Variants in PIK3C2G observed in about 807,000 individuals in gnomAD.
PIK3C2G encodes phosphatidylinositol-4-phosphate 3-kinase catalytic subunit type 2 gamma, also known as phosphatidylinositol 3-kinase C2 domain-containing subunit gamma.
In PIK3C2G, 168 loss-of-function variants were observed where a neutral mutation model predicts 181.1. The ratio of observed to expected loss-of-function variants is 0.93; its 90% CI spans 0.82 to 1.05. PIK3C2G has a LOEUF of 1.05. PIK3C2G is among the 50% of genes least tolerant of loss of function. The pLI is 0.00. For synonymous variants in PIK3C2G, 573 were observed against 592.2 expected, an observed-to-expected ratio of 0.97 and a Z score of 0.47; for missense variants, 1,869 against 1,732.8, an observed-to-expected ratio of 1.08 and a Z score of -1.40.
chr12:18,468,516 T>C (rs1351583920), intron 18 of PIK3C2G, among the ~76,000 whole-genome samples: 2 of 152,096 alleles, frequency 1.3e-5, no homozygotes, highest in African/African-American at 4.8e-5. Flanking sequence ...TATTCTTGAA[T>C]ATCCTTATAT....
intron 3 of PIK3C2G, 62 bp downstream of exon 3, chr12:18,286,991 G>T (rs1949473131): frequency 2.5e-6 from 2 of 803,706 alleles, no homozygotes; most frequent in Non-Finnish European, 4.0e-6. Flanking sequence ...TGTGTATTTT[G>T]ACATCACTGA....
intron 16 of PIK3C2G, among the ~76,000 whole-genome samples, chr12:18,413,448 T>C (rs760110476): frequency 2.6e-5 from 4 of 152,186 alleles, no homozygotes; most frequent in Non-Finnish European, 5.9e-5. Flanking sequence ...ATTTTTTTCA[T>C]AATAAATGAG....
chr12:18,381,074 A>G (rs1266303292), intron 13 of PIK3C2G, among the ~76,000 whole-genome samples: 2 of 152,164 alleles, frequency 1.3e-5, no homozygotes, highest in East Asian at 1.9e-4. Flanking sequence ...TTTAATTCAC[A>G]TAAGGATCTG....
At chr12:18,576,901 G>T (rs1273164901) in intron 29 of PIK3C2G, among the ~76,000 whole-genome samples, 1 of 152,192 alleles carries the variant, frequency 6.6e-6, no homozygotes, top group Admixed American at 6.5e-5. Context: ...AAAGTGCTAA[G>T]GGAATGGTGG....
intron 16 of PIK3C2G, among the ~76,000 whole-genome samples, chr12:18,405,955 A>G (rs56338752): frequency 0.11 from 16,425 of 152,128 alleles, 1,195 homozygotes; most frequent in Admixed American, 0.25. Flanking sequence ...ATCTCCACGC[A>G]GTGCAATAGA....
At chr12:18,615,373 GTGTA>G (rs778953397) in intron 31 of PIK3C2G, among the ~76,000 whole-genome samples, 17,854 of 90,706 alleles carry the variant, frequency 0.2, 1,246 homozygotes, top group East Asian at 0.35. Flanking sequence ...GTGTGTGTAT[GTGTA>G]TATATATATA....
At chr12:18,572,111 G>A (rs1220220670) in intron 29 of PIK3C2G, among the ~76,000 whole-genome samples, 2 of 141,104 alleles carry the variant, frequency 1.4e-5, no homozygotes, top group African/African-American at 2.9e-5. Context: ...GGTCCTTAGA[G>A]CCCTATGCCT....
the PIK3C2G span, among the ~76,000 whole-genome samples, chr12:18,710,151 T>C: frequency 6.7e-6 from 1 of 149,452 alleles, no homozygotes; most frequent in Non-Finnish European, 1.5e-5. Flanking sequence ...ATAGAAAGCA[T>C]TGCATTTTGT....
chr12:18,351,709 G>C (rs1363957885), intron 11 of PIK3C2G, among the ~76,000 whole-genome samples: 1 of 152,168 alleles, frequency 6.6e-6, no homozygotes, highest in Non-Finnish European at 1.5e-5. Flanking sequence ...TTTGTACATA[G>C]CATATGCACG....
chr12:18,626,116 G>T (rs1949085894), intron 31 of PIK3C2G, among the ~76,000 whole-genome samples: 1 of 150,440 alleles, frequency 6.6e-6, no homozygotes, highest in South Asian at 2.1e-4. Flanking sequence ...TTCCTCTGTT[G>T]CTGTCTTTCT....
At chr12:18,249,298 G>T (rs1455146563) in intron 1 of PIK3C2G, among the ~76,000 whole-genome samples, 1 of 152,124 alleles carries the variant, frequency 6.6e-6, no homozygotes, top group Non-Finnish European at 1.5e-5. Context: ...ACTTTCAGAG[G>T]AATGAATATC....
chr12:18,475,134 G>A (rs552964500), intron 18 of PIK3C2G, among the ~76,000 whole-genome samples: 4 of 152,084 alleles, frequency 2.6e-5, no homozygotes, highest in Admixed American at 6.6e-5. Flanking sequence ...AAAAGCCACC[G>A]ATAGATTATT....
At chr12:18,409,100 A>G (rs1255378935) in intron 16 of PIK3C2G, among the ~76,000 whole-genome samples, 2 of 152,192 alleles carry the variant, frequency 1.3e-5, no homozygotes. Flanking sequence ...ATGCACATGT[A>G]TGTTTATTGC....
At chr12:18,505,267 G>T in intron 23 of PIK3C2G, 25 bp from the exon 24 acceptor site, 2 of 1,546,122 alleles carry the variant, frequency 1.3e-6, no homozygotes, top group Non-Finnish European at 1.8e-6. Context: ...TGTTATTTTT[G>T]CATGATTGTT....
chr12:18,625,756 C>T (rs1170129715), intron 31 of PIK3C2G, among the ~76,000 whole-genome samples: 1 of 151,788 alleles, frequency 6.6e-6, no homozygotes, highest in African/African-American at 2.4e-5. Flanking sequence ...TGAATTGACC[C>T]CTTTACCATT....
intron 5 of PIK3C2G, among the ~76,000 whole-genome samples, chr12:18,295,531 A>G (rs1295141041): frequency 1.3e-5 from 2 of 149,782 alleles, no homozygotes; most frequent in Admixed American, 1.3e-4. Context: ...GAAAATTTAC[A>G]CACCTTGATT....
intron 5 of PIK3C2G, among the ~76,000 whole-genome samples, chr12:18,297,690 T>C (rs2137257071): frequency 6.6e-6 from 1 of 152,060 alleles, no homozygotes; most frequent in Non-Finnish European, 1.5e-5. Context: ...CCTCTCCCCA[T>C]CCCATACCCT....
At chr12:18,508,265 A>G (rs560730621) in intron 24 of PIK3C2G, among the ~76,000 whole-genome samples, 1 of 152,166 alleles carries the variant, frequency 6.6e-6, no homozygotes, top group African/African-American at 2.4e-5. Flanking sequence ...TACTTTCTCA[A>G]TGCTGATACA....
intron 32 of PIK3C2G, among the ~76,000 whole-genome samples, chr12:18,647,247 T>G (rs561946937): frequency 6.6e-6 from 1 of 152,206 alleles, no homozygotes; most frequent in South Asian, 2.1e-4. Context: ...GAAATTGGTC[T>G]GTTTCATGGC....
Sources: gnomAD v4.1 joint callset for allele counts (sites outside exome capture counted in the v4.1 genomes callset) on GRCh38, gnomAD v4.1.1 for gene constraint, MANE v1.5 for transcripts, NCBI Gene and HGNC (gene_info 2026-07-23, HGNC 2026-07-21) for gene names.